EPAS1: variants seen among roughly 807,000 people sequenced by gnomAD.
EPAS1 encodes endothelial PAS domain-containing protein 1.
EPAS1 carries 23 observed loss-of-function variants against 87.9 expected under a neutral mutation model. The ratio of observed to expected loss-of-function variants is 0.26; its 90% CI spans 0.19 to 0.37. The LOEUF (loss-of-function observed/expected upper bound fraction) is 0.37. Ranked by LOEUF, EPAS1 falls within the 10% of genes least tolerant of loss-of-function variation. The pLI is 1.00. For missense variants in EPAS1, 1,138 were observed against 1,120.7 expected (o/e 1.02, Z -0.22); for synonymous variants, 508 against 444.3 (o/e 1.14, Z -1.80).
At chr2:46,327,031 G>T (rs1683576654) in intron 1 of EPAS1, among the ~76,000 whole-genome samples, 1 of 152,182 alleles carries the variant, frequency 6.6e-6, no homozygotes, top group African/African-American at 2.4e-5. Context: ...GTAGATAATG[G>T]TTTACTGCCC....
chr2:46,382,663 CT>C (rs1684927302), intron 15 of EPAS1, 65 bp downstream of exon 15: 1 of 1,598,300 alleles, frequency 6.3e-7, no homozygotes, highest in Admixed American at 1.7e-5. Flanking sequence ...CCCACGTCTA[CT>C]TTTTTTCCAG....
chr2:46,376,016 A>G (rs1684738702), intron 8 of EPAS1, among the ~76,000 whole-genome samples, 179 bp downstream of exon 8: 2 of 152,114 alleles, frequency 1.3e-5, no homozygotes, highest in Admixed American at 1.3e-4. Context: ...ATGTCTTGGA[A>G]CAGTGGGATA....
chr2:46,307,571 G>C (rs1346899922), intron 1 of EPAS1, among the ~76,000 whole-genome samples: 2 of 152,056 alleles, frequency 1.3e-5, no homozygotes, highest in Non-Finnish European at 2.9e-5. Flanking sequence ...TGTTTGTCTT[G>C]CCTCAGCTGA....
intron 2 of EPAS1, among the ~76,000 whole-genome samples, chr2:46,354,870 C>G (rs57370510): frequency 6.6e-6 from 1 of 152,268 alleles, no homozygotes; most frequent in Admixed American, 6.5e-5. Flanking sequence ...AGATGGGCCT[C>G]TCTTCAGTCC....
At chr2:46,372,525 A>C (rs1362916487) in intron 7 of EPAS1, among the ~76,000 whole-genome samples, 4 of 152,250 alleles carry the variant, frequency 2.6e-5, no homozygotes, top group African/African-American at 9.6e-5. Flanking sequence ...TGTAATTTCC[A>C]AATGGATTAA....
chr2:46,374,349 G>C (rs1457817599), intron 7 of EPAS1, among the ~76,000 whole-genome samples: 1 of 152,134 alleles, frequency 6.6e-6, no homozygotes, highest in Non-Finnish European at 1.5e-5. Context: ...CAGACTGTCT[G>C]TGACAGGCCA....
intron 1 of EPAS1, among the ~76,000 whole-genome samples, chr2:46,345,994 TA>T (rs1684016323): frequency 6.6e-6 from 1 of 152,230 alleles, no homozygotes; most frequent in Non-Finnish European, 1.5e-5. Context: ...CTAAGCAGTT[TA>T]AATGATTTAT....
intron 1 of EPAS1, among the ~76,000 whole-genome samples, chr2:46,310,604 G>A (rs1199351951): frequency 6.6e-6 from 1 of 152,190 alleles, no homozygotes; most frequent in South Asian, 2.1e-4. Flanking sequence ...AAGTCACCTG[G>A]GTAGAGCAGC....
intron 7 of EPAS1, among the ~76,000 whole-genome samples, chr2:46,370,466 GA>G (rs1684605913): frequency 6.6e-6 from 1 of 152,184 alleles, no homozygotes; most frequent in African/African-American, 2.4e-5. Context: ...CACATATGTT[GA>G]GGTAGGCCAC....
intron 1 of EPAS1, among the ~76,000 whole-genome samples, chr2:46,331,025 T>C (rs1683662644): frequency 6.6e-6 from 1 of 151,970 alleles, no homozygotes; most frequent in African/African-American, 2.4e-5. Context: ...CACTATTGAG[T>C]GTGTAGTATT....
chr2:46,317,763 T>C lies in EPAS1; in HGVS notation c.26+19826T>C, dbSNP rs561264163. Among the ~76,000 whole-genome samples the C allele has an allele frequency of 2.0e-5, 3 of 152,358 alleles. No homozygotes were observed. In the East Asian group the frequency reaches 5.8e-4, roughly 29 times the overall value. On this transcript the variant is annotated intron_variant, in intron 1 of 15. Coordinates refer to ENST00000263734, the MANE Select transcript of EPAS1 (RefSeq NM_001430.5). ...GAAAATCTGTTTAGTGTAGCCACCT[T>C]CATCAATGATCTTAGCTAGATCTTC...
chr2:46,378,219 A>C, intron 10 of EPAS1, 132 bp downstream of exon 10: 2 of 1,425,600 alleles, frequency 1.4e-6, no homozygotes, highest in Admixed American at 2.5e-5. Context: ...AGTGGCCGTG[A>C]CACTTACCTA....
Position 46,326,433 on chromosome 2 carries a change from G to GA in EPAS1, c.27-20439dup, listed in dbSNP as rs1389640554. 2.0e-5 allele frequency among the ~76,000 whole-genome samples: 3 copies of GA among 152,264 alleles called. 1 individual carries two copies. Among genetic ancestry groups the GA allele is most frequent in the Admixed American group, 2.0e-4 (3 of 15,302 alleles). On this transcript the variant is annotated intron_variant, in intron 1 of 15. Transcript: ENST00000263734. Reference sequence around the variant, plus strand: ...GAGTGGCTAGATCACCTGCCTGGGGGATGAGCCTCCCACGTGACTGTAAGG... The same window carrying GA: ...GAGTGGCTAGATCACCTGCCTGGGGGAATGAGCCTCCCACGTGACTGTAAGG...
At chr2:46,381,403 C>T (rs13006131) in intron 12 of EPAS1, 193 bp from the exon 13 acceptor site, 75 of 817,754 alleles carry the variant, frequency 9.2e-5, no homozygotes, top group Non-Finnish European at 1.3e-4. Flanking sequence ...CCTTCAGCAT[C>T]TTATAGCTGA....
At chr2:46,367,778 C>T (rs1225751014) in intron 6 of EPAS1, among the ~76,000 whole-genome samples, 1 of 152,190 alleles carries the variant, frequency 6.6e-6, no homozygotes, top group African/African-American at 2.4e-5. Flanking sequence ...CCTTGTTTGA[C>T]AAAGGCTTTA....
intron 1 of EPAS1, among the ~76,000 whole-genome samples, chr2:46,343,288 A>T (rs1264864548): frequency 6.6e-6 from 1 of 152,210 alleles, no homozygotes; most frequent in Non-Finnish European, 1.5e-5. Flanking sequence ...GCACACTTAA[A>T]GACATGAGGC....
At chr2:46,361,750 G>A (rs1684391062) in intron 6 of EPAS1, among the ~76,000 whole-genome samples, 1 of 152,220 alleles carries the variant, frequency 6.6e-6, no homozygotes, top group Non-Finnish European at 1.5e-5. Flanking sequence ...CTTTATTAGA[G>A]TTGTTGAAAG....
At chr2:46,350,923 A>C (rs1684133415) in intron 2 of EPAS1, among the ~76,000 whole-genome samples, 1 of 152,258 alleles carries the variant, frequency 6.6e-6, no homozygotes, top group Admixed American at 6.5e-5. Context: ...TAAGGGAAGG[A>C]TATTAAAATG....
At chr2:46,303,925 A>T (rs924770966) in intron 1 of EPAS1, among the ~76,000 whole-genome samples, 2 of 152,052 alleles carry the variant, frequency 1.3e-5, no homozygotes, top group African/African-American at 4.8e-5. Flanking sequence ...GTGCCGCTTA[A>T]TCTTCCCTGT....
Sources: gnomAD v4.1 joint callset for allele counts (sites outside exome capture counted in the v4.1 genomes callset) on GRCh38, gnomAD v4.1.1 for gene constraint, MANE v1.5 for transcripts, NCBI Gene and HGNC (gene_info 2026-07-23, HGNC 2026-07-21) for gene names.